MVB12B: variants seen among roughly 807,000 people sequenced by gnomAD.
The protein encoded by MVB12B is multivesicular body subunit 12B.
Under a neutral mutation model 41.6 loss-of-function variants are expected in MVB12B, and 16 were observed. The observed-to-expected ratio is 0.38, with a 90% confidence interval of 0.26 to 0.58. The LOEUF (loss-of-function observed/expected upper bound fraction) is 0.58, where lower values mean the gene tolerates loss of function less well. Ranked by LOEUF, MVB12B falls within the 20% of genes least tolerant of loss-of-function variation. The probability of loss-of-function intolerance (pLI) is 0.62; values close to 1 mark genes in which losing one functional copy is unlikely to be tolerated. For missense variants in MVB12B, 274 were observed against 380.2 expected, an observed-to-expected ratio of 0.72 and a Z score of 2.32; for synonymous variants, 133 against 139.7, an observed-to-expected ratio of 0.95 and a Z score of 0.34.
At chr9:126,471,161 A>G (rs985365753) in intron 7 of MVB12B, among the ~76,000 whole-genome samples, 21 of 152,180 alleles carry the variant, frequency 1.4e-4, no homozygotes, top group Non-Finnish European at 2.9e-4. Flanking sequence ...TTCGACATAA[A>G]ACCGCAGCCT....
intron 9 of MVB12B, among the ~76,000 whole-genome samples, chr9:126,494,124 A>C (rs187254419): frequency 9.2e-5 from 14 of 152,144 alleles, no homozygotes; most frequent in African/African-American, 3.1e-4. Flanking sequence ...TTAAAGTGTT[A>C]GCCATCTATT....
rs1469591476 is a variant in MVB12B at position 126,386,012 on chromosome 9, A to T, written c.313-550A>T. ...GCCCTTGTGCGTGTCATTTTAGAAG[A>T]TGTGTAATATTGAGGCAGCAGGGCT... On this transcript the variant is annotated intron_variant, in intron 3 of 9. Coordinates refer to ENST00000361171, the MANE Select transcript of MVB12B (RefSeq NM_033446.3). The surrounding 1 kb of genome is among the most constrained non-coding windows in gnomAD (Gnocchi z 4.3). Among the ~76,000 whole-genome samples the T allele has an allele frequency of 6.6e-6, 1 of 152,154 alleles. No individual in the cohort carries two copies. The highest frequency in any genetic ancestry group is 1.5e-5 in the Non-Finnish European group (1 of 68,026).
At chr9:126,400,416 C>T (rs1831235422) in intron 6 of MVB12B, among the ~76,000 whole-genome samples, 1 of 152,128 alleles carries the variant, frequency 6.6e-6, no homozygotes, top group East Asian at 1.9e-4. Flanking sequence ...GTGATGCGCT[C>T]CCAGATGCTA....
Position 126,468,117 on chromosome 9 carries a change from C to T in MVB12B, c.758-13252C>T, listed in dbSNP as rs1177709680. ...TATCACAGAGTACATTCTGATCTTC[C>T]CATTGTTTTTGCCAGCTTGGAACGT... On this transcript the variant is annotated intron_variant, in intron 7 of 9. Transcript: ENST00000361171. This position sits in a 1 kb window ranked among gnomAD's most constrained non-coding sequence, Gnocchi z 4.3. Among the ~76,000 whole-genome samples, 4 of 152,124 alleles carry T rather than the reference C, an allele frequency of 2.6e-5. No individual in the cohort carries two copies. The East Asian group carries it at 7.7e-4, about 29-fold the overall frequency.
chr9:126,428,344 A>C (rs921541188), intron 7 of MVB12B, among the ~76,000 whole-genome samples: 1 of 152,172 alleles, frequency 6.6e-6, no homozygotes, highest in African/African-American at 2.4e-5. Flanking sequence ...ATTTCATCCA[A>C]TTGGATAAAA....
Position 126,388,117 on chromosome 9 carries a change from T to C in MVB12B, c.409+1459T>C, listed in dbSNP as rs183358928. On this transcript the variant is annotated intron_variant, in intron 4 of 9. Coordinates refer to ENST00000361171, the MANE Select transcript of MVB12B (RefSeq NM_033446.3). ...AGTTGGCAACCATTATGGCACATTATATCACCCCCAAAACCCATTTTCAGG... is the reference window on the plus strand; with the variant it reads ...AGTTGGCAACCATTATGGCACATTACATCACCCCCAAAACCCATTTTCAGG... 2.2e-4 allele frequency among the ~76,000 whole-genome samples: 33 copies of C among 152,302 alleles called. No individual in the cohort carries two copies. The East Asian group carries it at 6.2e-3, about 28-fold the overall frequency.
intron 9 of MVB12B, among the ~76,000 whole-genome samples, chr9:126,489,735 C>G (rs1322760202): frequency 6.6e-6 from 1 of 152,232 alleles, no homozygotes; most frequent in East Asian, 1.9e-4. Flanking sequence ...CTCCTGCCAC[C>G]TCCGTCACCT....
intron 1 of MVB12B, among the ~76,000 whole-genome samples, chr9:126,335,667 G>C (rs748304254): frequency 5.3e-5 from 8 of 152,222 alleles, no homozygotes; most frequent in Non-Finnish European, 1.0e-4. Context: ...AGCTTTTACT[G>C]GGGGACAACC....
intron 7 of MVB12B, among the ~76,000 whole-genome samples, chr9:126,474,974 G>A (rs1833391799): frequency 6.6e-6 from 1 of 152,218 alleles, no homozygotes. Flanking sequence ...CACCAGGACT[G>A]CGGCACTGTA....
intron 7 of MVB12B, among the ~76,000 whole-genome samples, chr9:126,435,750 T>TG (rs886107712): frequency 1.3e-5 from 2 of 151,104 alleles, no homozygotes; most frequent in Non-Finnish European, 3.0e-5. Context: ...TGAGCTCACT[T>TG]GCTGCCAGGC....
At chr9:126,397,010 G>C (rs981985034) in intron 6 of MVB12B, 2 of 985,470 alleles carry the variant, frequency 2.0e-6, no homozygotes, top group East Asian at 1.1e-4. Flanking sequence ...GCTATATCAG[G>C]TGTGTCACCT....
chr9:126,396,207 A>G (rs749781792), intron 6 of MVB12B: 1 of 986,852 alleles, frequency 1.0e-6, no homozygotes, highest in Non-Finnish European at 1.2e-6. Context: ...GCTAGTTTTA[A>G]CAATTGTCTC....
At chr9:126,398,163 C>G (rs1487732823) in intron 6 of MVB12B, among the ~76,000 whole-genome samples, 1 of 151,912 alleles carries the variant, frequency 6.6e-6, no homozygotes, top group Non-Finnish European at 1.5e-5. Flanking sequence ...GGAAGCCCTC[C>G]CAGAGGCTCC....
chr9:126,396,474 CT>C (rs1831116168), intron 6 of MVB12B: 1 of 985,386 alleles, frequency 1.0e-6, no homozygotes, highest in Non-Finnish European at 1.2e-6. Flanking sequence ...GAGAATGGAT[CT>C]CCAAGCTTCC....
chr9:126,469,590 A>AC (rs1047411863), intron 7 of MVB12B, among the ~76,000 whole-genome samples: 15 of 151,964 alleles, frequency 9.9e-5, no homozygotes, highest in Non-Finnish European at 2.9e-5. Context: ...GCTGTCAGTT[A>AC]CCCCCCGTGG....
At chr9:126,496,333 CCACATATTAACCCATT>C (rs1281960716) in intron 9 of MVB12B, among the ~76,000 whole-genome samples, 31 of 136,138 alleles carry the variant, frequency 2.3e-4, no homozygotes, top group Middle Eastern at 3.6e-3. Flanking sequence ...TTCCACCCAT[CCACATATTAACCCATT>C]CACTCATGCA....
chr9:126,442,698 C>A (rs905901962), intron 7 of MVB12B, among the ~76,000 whole-genome samples: 2 of 152,290 alleles, frequency 1.3e-5, no homozygotes, highest in South Asian at 4.1e-4. Context: ...CTGTAACTTG[C>A]TATTTTTATA....
chr9:126,453,340 G>A (rs1336999635), intron 7 of MVB12B, among the ~76,000 whole-genome samples: 4 of 152,162 alleles, frequency 2.6e-5, no homozygotes, highest in African/African-American at 7.2e-5. Flanking sequence ...CCAGCTGCAA[G>A]CAGGGAAGCA....
At position 126,501,054 on chromosome 9, in the gene MVB12B, G is replaced by A. The variant is rs189440768; in HGVS notation, c.874-2123G>A. ...TGTTCCCTGCCGTGCATGTGCCCAG[G>A]CGGCCACCAGGTGGCAGTGTCCTCC... On this transcript the variant is annotated intron_variant, in intron 9 of 9. Coordinates refer to ENST00000361171, the MANE Select transcript of MVB12B (RefSeq NM_033446.3). Among the ~76,000 whole-genome samples the A allele has an allele frequency of 4.6e-5, 7 of 152,334 alleles. No homozygotes were observed. The East Asian group carries it at 1.2e-3, about 25-fold the overall frequency.
Sources: allele counts gnomAD v4.1 joint callset (sites outside exome capture counted in the v4.1 genomes callset), GRCh38; gene constraint gnomAD v4.1.1; non-coding constraint Gnocchi (gnomAD v3.1); transcripts MANE v1.5; gene names NCBI Gene and HGNC (gene_info 2026-07-23, HGNC 2026-07-21).